The following PRR16 variants were observed in gnomAD, a reference collection of about 807,000 sequenced individuals.
PRR16 encodes protein Largen.
PRR16 carries 6 observed loss-of-function variants against 18.2 expected under a neutral mutation model. The observed-to-expected ratio is 0.33, with a 90% confidence interval of 0.18 to 0.65. The LOEUF is 0.65. PRR16 is among the 30% of genes least tolerant of loss of function. The probability of loss-of-function intolerance (pLI) is 0.74; values close to 1 mark genes in which losing one functional copy is unlikely to be tolerated. For missense variants in PRR16, 412 were observed against 376.6 expected (o/e 1.09, Z -0.78); for synonymous variants, 151 against 147.8 (o/e 1.02, Z -0.16).
chr5:120,684,836 T>C (rs1351258720), intron 1 of PRR16, among the ~76,000 whole-genome samples: 1 of 152,208 alleles, frequency 6.6e-6, no homozygotes, highest in East Asian at 1.9e-4. Context: ...TTCCATTCAA[T>C]GTTCCTATCT....
At chr5:120,725,198 C>A in the PRR16 span, among the ~76,000 whole-genome samples, 1 of 151,718 alleles carries the variant, frequency 6.6e-6, no homozygotes, top group Non-Finnish European at 1.5e-5. Context: ...GAGTGATGAA[C>A]TAGGAGTAGA....
the PRR16 span, among the ~76,000 whole-genome samples, chr5:120,752,035 G>A: frequency 6.6e-6 from 1 of 152,024 alleles, no homozygotes; most frequent in African/African-American, 2.4e-5. Flanking sequence ...GTATCTTAAT[G>A]TAGTTCTTGA....
At chr5:120,527,899 T>G (rs1484245516) in intron 1 of PRR16, among the ~76,000 whole-genome samples, 1 of 152,218 alleles carries the variant, frequency 6.6e-6, no homozygotes, top group East Asian at 1.9e-4. Flanking sequence ...GAATGGAAAT[T>G]AACTTTGCCT....
At chr5:120,702,020 A>G in the PRR16 span, among the ~76,000 whole-genome samples, 1 of 152,098 alleles carries the variant, frequency 6.6e-6, no homozygotes, top group Non-Finnish European at 1.5e-5. Context: ...TAAGTTTTTG[A>G]GAACACAGGC....
intron 1 of PRR16, among the ~76,000 whole-genome samples, chr5:120,674,915 T>C (rs1756743425): frequency 6.6e-6 from 1 of 152,022 alleles, no homozygotes; most frequent in Admixed American, 6.5e-5. Context: ...TTGTTTTATA[T>C]TCCAATTTTT....
chr5:120,481,419 C>T (rs557302089), intron 1 of PRR16: 1 of 244,608 alleles, frequency 4.1e-6, no homozygotes, highest in Non-Finnish European at 8.3e-6. Flanking sequence ...GCGTGAGCCA[C>T]CACGCCTGGC....
At chr5:120,493,831 T>C (rs1308516202) in intron 1 of PRR16, among the ~76,000 whole-genome samples, 1 of 152,162 alleles carries the variant, frequency 6.6e-6, no homozygotes, top group Non-Finnish European at 1.5e-5. Context: ...CATAATACTC[T>C]GGAGATTCAT....
chr5:120,654,899 T>C (rs933667273), intron 1 of PRR16, among the ~76,000 whole-genome samples: 1 of 151,598 alleles, frequency 6.6e-6, no homozygotes, highest in African/African-American at 2.4e-5. Flanking sequence ...TACCCAACTA[T>C]TAGAGATTAT....
At chr5:120,717,726 G>A in the PRR16 span, among the ~76,000 whole-genome samples, 69 of 152,006 alleles carry the variant, frequency 4.5e-4, no homozygotes, top group African/African-American at 1.6e-3. Flanking sequence ...CCTCATCTGC[G>A]GCTCTCTGTG....
chr5:120,556,262 T>A (rs1286763889), intron 1 of PRR16, among the ~76,000 whole-genome samples: 1 of 142,776 alleles, frequency 7.0e-6, no homozygotes, highest in Middle Eastern at 3.6e-3. Context: ...TGTACCATGC[T>A]ATCCAGATGA....
the PRR16 span, among the ~76,000 whole-genome samples, chr5:120,778,877 G>A: frequency 6.6e-6 from 1 of 152,114 alleles, no homozygotes; most frequent in Admixed American, 6.5e-5. Flanking sequence ...TGGCTGAAAA[G>A]CATCAGTGGA....
chr5:120,521,378 GGTT>G (rs1751174534), intron 1 of PRR16, among the ~76,000 whole-genome samples: 1 of 151,928 alleles, frequency 6.6e-6, no homozygotes, highest in Non-Finnish European at 1.5e-5. Context: ...CAATCGTTGT[GGTT>G]GTTATTGTTA....
At chr5:120,781,716 G>A in the PRR16 span, among the ~76,000 whole-genome samples, 2 of 140,530 alleles carry the variant, frequency 1.4e-5, no homozygotes, top group Non-Finnish European at 3.3e-5. Flanking sequence ...TGAAAAAAGA[G>A]ATACAGTTTC....
chr5:120,741,993 A>AT, the PRR16 span, among the ~76,000 whole-genome samples: 1 of 151,898 alleles, frequency 6.6e-6, no homozygotes, highest in Non-Finnish European at 1.5e-5. Context: ...TTGTTATTAA[A>AT]TTTTTTCAAA....
chr5:120,656,011 T>C (rs542444646), intron 1 of PRR16, among the ~76,000 whole-genome samples: 1 of 151,974 alleles, frequency 6.6e-6, no homozygotes, highest in South Asian at 2.1e-4. Context: ...AGACAGAGCA[T>C]GCAGTTGCCA....
At chr5:120,789,918 G>T in the PRR16 span, 1 of 151,942 alleles carries the variant, frequency 6.6e-6, no homozygotes, top group African/African-American at 2.4e-5. Flanking sequence ...TGTTTAAACT[G>T]ATCATATTTA....
At chr5:120,601,624 C>T (rs966428448) in intron 1 of PRR16, among the ~76,000 whole-genome samples, 1 of 152,040 alleles carries the variant, frequency 6.6e-6, no homozygotes, top group Non-Finnish European at 1.5e-5. Flanking sequence ...GATTCTTTCT[C>T]ATGAAATCTT....
intron 1 of PRR16, among the ~76,000 whole-genome samples, chr5:120,516,880 C>T (rs1751015757): frequency 6.6e-6 from 1 of 152,132 alleles, no homozygotes; most frequent in Non-Finnish European, 1.5e-5. Context: ...TTCCATATGG[C>T]TCATATGGTA....
At chr5:120,635,018 G>A (rs768715011) in intron 1 of PRR16, among the ~76,000 whole-genome samples, 1 of 152,082 alleles carries the variant, frequency 6.6e-6, no homozygotes, top group African/African-American at 2.4e-5. Context: ...AAACCTGTAG[G>A]AGATTAATGA....
Sources: allele counts gnomAD v4.1 joint callset (sites outside exome capture counted in the v4.1 genomes callset), GRCh38; gene constraint gnomAD v4.1.1; transcripts MANE v1.5; gene names NCBI Gene and HGNC (gene_info 2026-07-23, HGNC 2026-07-21).